Variants in PTPRD observed in about 807,000 individuals in gnomAD.
PTPRD encodes the protein receptor-type tyrosine-protein phosphatase delta.
A neutral mutation model predicts 214.5 loss-of-function variants in PTPRD; 34 were observed. The observed-to-expected ratio is 0.16, with a 90% confidence interval of 0.12 to 0.21. The LOEUF (loss-of-function observed/expected upper bound fraction) is 0.21, where lower values mean the gene tolerates loss of function less well. PTPRD is among the 10% of genes least tolerant of loss of function. The pLI is 1.00. For missense variants in PTPRD, 2,545 were observed against 2,398.7 expected (o/e 1.06, Z -1.27); for synonymous variants, 1,128 against 845.7 (o/e 1.33, Z -5.79).
At chr9:8,461,306 T>C (rs1016658148) in intron 32 of PTPRD, among the ~76,000 whole-genome samples, 3 of 152,122 alleles carry the variant, frequency 2.0e-5, no homozygotes, top group East Asian at 3.9e-4. Flanking sequence ...TTACAGTTAT[T>C]GCTCAGAGAT....
intron 11 of PTPRD, chr9:8,860,052 G>A (rs1480086879): frequency 6.6e-6 from 1 of 152,178 alleles, no homozygotes; most frequent in African/African-American, 2.4e-5. Flanking sequence ...TTCCACCCAA[G>A]ATGTAAACTC....
chr9:10,429,529 C>T (rs1401197986), intron 2 of PTPRD, among the ~76,000 whole-genome samples: 1 of 151,874 alleles, frequency 6.6e-6, no homozygotes, highest in African/African-American at 2.4e-5. Context: ...TTTTCAGCAA[C>T]ATGGATGGAA....
chr9:9,225,666 G>A lies in PTPRD; in HGVS notation c.-202-42303C>T, dbSNP rs571778044. Among the ~76,000 whole-genome samples, 20 of 152,046 alleles carry A rather than the reference G, an allele frequency of 1.3e-4. No individual in the cohort carries two copies. In the South Asian group the frequency reaches 1.7e-3, roughly 13 times the overall value. Reference sequence around the variant, plus strand: ...TAATCTTTTTCATGTAAAGGATAGCGCATTTAAGAATTCTAGACTCTGGCC... The same window carrying A: ...TAATCTTTTTCATGTAAAGGATAGCACATTTAAGAATTCTAGACTCTGGCC... On this transcript the variant is annotated intron_variant, in intron 9 of 45. Transcript: ENST00000381196.
intron 4 of PTPRD, among the ~76,000 whole-genome samples, chr9:10,014,405 C>A (rs917951729): frequency 6.6e-6 from 1 of 151,900 alleles, no homozygotes. Flanking sequence ...CTGTTAATTG[C>A]ATATATAAAA....
chr9:10,591,527 C>T (rs1031885008), intron 2 of PTPRD, among the ~76,000 whole-genome samples: 4 of 151,926 alleles, frequency 2.6e-5, no homozygotes, highest in East Asian at 2.0e-4. Flanking sequence ...ACAATGCAAA[C>T]TAGACCCTCC....
At chr9:9,762,863 G>A (rs2098671792) in intron 6 of PTPRD, among the ~76,000 whole-genome samples, 12 of 152,184 alleles carry the variant, frequency 7.9e-5, no homozygotes, top group Admixed American at 7.9e-4. Context: ...AGATACCATA[G>A]ACCAAGTGGC....
At chr9:9,978,772 A>G (rs906504782) in intron 4 of PTPRD, among the ~76,000 whole-genome samples, 1 of 152,098 alleles carries the variant, frequency 6.6e-6, no homozygotes, top group Non-Finnish European at 1.5e-5. Context: ...ATAAATAACA[A>G]AATAAACACA....
chr9:10,253,883 A>G (rs192982102), intron 3 of PTPRD, among the ~76,000 whole-genome samples: 13 of 152,348 alleles, frequency 8.5e-5, no homozygotes, highest in Admixed American at 7.8e-4. Flanking sequence ...AACTCTGTGA[A>G]GTAGAATGAT....
chr9:9,975,608 C>A (rs951053360), intron 4 of PTPRD, among the ~76,000 whole-genome samples: 1 of 152,136 alleles, frequency 6.6e-6, no homozygotes, highest in East Asian at 1.9e-4. Flanking sequence ...ATGTAACTCC[C>A]ACATGCATTA....
chr9:8,516,388 G>C (rs1339882019), intron 21 of PTPRD, among the ~76,000 whole-genome samples: 1 of 152,108 alleles, frequency 6.6e-6, no homozygotes, highest in East Asian at 1.9e-4. Flanking sequence ...ATAGAGAAAA[G>C]AGTAAATCCA....
intron 3 of PTPRD, among the ~76,000 whole-genome samples, chr9:10,051,242 G>A (rs989051243): frequency 1.3e-5 from 2 of 151,922 alleles, no homozygotes; most frequent in East Asian, 1.9e-4. Flanking sequence ...GAGTTGTTTC[G>A]GGAAAACATG....
intron 45 of PTPRD, among the ~76,000 whole-genome samples, chr9:8,318,498 A>G (rs914922671): frequency 1.1e-4 from 16 of 152,090 alleles, no homozygotes; most frequent in Admixed American, 7.2e-4. Flanking sequence ...CAGTCATTTC[A>G]GCTACCCTTT....
At chr9:9,346,958 G>T (rs1307276190) in intron 9 of PTPRD, among the ~76,000 whole-genome samples, 1 of 152,054 alleles carries the variant, frequency 6.6e-6, no homozygotes, top group East Asian at 1.9e-4. Flanking sequence ...CTTCTAAAGT[G>T]CTGGGATTAC....
At chr9:10,582,767 C>A (rs2072396568) in intron 2 of PTPRD, among the ~76,000 whole-genome samples, 1 of 152,120 alleles carries the variant, frequency 6.6e-6, no homozygotes, top group Admixed American at 6.5e-5. Context: ...AAACAAAAAA[C>A]TACACACACC....
chr9:8,480,992 T>A (rs1009496520), intron 30 of PTPRD, among the ~76,000 whole-genome samples: 19 of 151,810 alleles, frequency 1.3e-4, no homozygotes, highest in African/African-American at 4.6e-4. Flanking sequence ...ACAAAAAGAT[T>A]AGCCAGGCGT....
chr9:9,317,305 T>C (rs1429080318), intron 9 of PTPRD, among the ~76,000 whole-genome samples: 1 of 152,216 alleles, frequency 6.6e-6, no homozygotes, highest in Non-Finnish European at 1.5e-5. Context: ...TAAAATCCCA[T>C]TCATTCAACC....
intron 9 of PTPRD, among the ~76,000 whole-genome samples, chr9:9,315,833 CTTTTTTT>C (rs566821610): frequency 2.4e-4 from 22 of 93,326 alleles, no homozygotes; most frequent in Middle Eastern, 6.4e-3. Flanking sequence ...TAGCAGACAA[CTTTTTTT>C]TTTTTTTTTT....
chr9:10,160,344 G>A (rs1288928735), intron 3 of PTPRD, among the ~76,000 whole-genome samples: 1 of 151,970 alleles, frequency 6.6e-6, no homozygotes, highest in Non-Finnish European at 1.5e-5. Flanking sequence ...TAATGAGATT[G>A]AAGTCATAAC....
chr9:9,462,596 C>T (rs1229517315), intron 8 of PTPRD, among the ~76,000 whole-genome samples: 1 of 152,092 alleles, frequency 6.6e-6, no homozygotes, highest in Non-Finnish European at 1.5e-5. Flanking sequence ...CACATGACTC[C>T]TCCAGGGTGG....
Sources: allele counts gnomAD v4.1 joint callset (sites outside exome capture counted in the v4.1 genomes callset), GRCh38; gene constraint gnomAD v4.1.1; transcripts MANE v1.5; gene names NCBI Gene and HGNC (gene_info 2026-07-23, HGNC 2026-07-21).